TSHR: variants seen among roughly 807,000 people sequenced by gnomAD.
TSHR encodes the protein thyrotropin receptor.
Under a neutral mutation model 64.1 loss-of-function variants are expected in TSHR, and 51 were observed. The ratio of observed to expected loss-of-function variants is 0.80; its 90% confidence interval spans 0.64 to 1.01. TSHR has a LOEUF of 1.01. TSHR is among the 50% of genes least tolerant of loss of function. TSHR has a pLI of 0.00. For missense variants in TSHR, 877 were observed against 942.8 expected (o/e 0.93, Z 0.91); for synonymous variants, 361 against 361.9 (o/e 1.00, Z 0.03).
intron 8 of TSHR, among the ~76,000 whole-genome samples, chr14:81,132,056 G>C (rs1485619429): frequency 1.3e-5 from 2 of 151,972 alleles, no homozygotes; most frequent in Non-Finnish European, 2.9e-5. Flanking sequence ...TCACTGTCTT[G>C]AATTTATACC....
At chr14:81,022,970 T>C (rs1416780596) in intron 1 of TSHR, among the ~76,000 whole-genome samples, 3 of 152,170 alleles carry the variant, frequency 2.0e-5, no homozygotes, top group African/African-American at 7.2e-5. Context: ...AGGACACAGC[T>C]AGAAGGCACC....
At chr14:80,996,659 C>T (rs1889041046) in intron 1 of TSHR, among the ~76,000 whole-genome samples, 1 of 152,092 alleles carries the variant, frequency 6.6e-6, no homozygotes, top group Non-Finnish European at 1.5e-5. Flanking sequence ...GGCACCACTA[C>T]GAATTTATTC....
intron 1 of TSHR, among the ~76,000 whole-genome samples, chr14:80,963,344 G>A (rs148140658): frequency 6.6e-6 from 1 of 152,208 alleles, no homozygotes; most frequent in African/African-American, 2.4e-5. Flanking sequence ...CTGGTTTCCA[G>A]GTTCCATATA....
chr14:81,141,974 G>C (rs1012372716), intron 9 of TSHR, among the ~76,000 whole-genome samples: 1 of 152,092 alleles, frequency 6.6e-6, no homozygotes, highest in Non-Finnish European at 1.5e-5. Flanking sequence ...ATATGAAATA[G>C]TCACTCCCAT....
chr14:81,018,475 T>C (rs1339340054), intron 1 of TSHR, among the ~76,000 whole-genome samples: 2 of 152,126 alleles, frequency 1.3e-5, no homozygotes, highest in African/African-American at 4.8e-5. Context: ...TGAAACACAG[T>C]TTTAGAGTTA....
chr14:80,976,295 T>C (rs1452156730), intron 1 of TSHR, among the ~76,000 whole-genome samples: 2 of 152,168 alleles, frequency 1.3e-5, no homozygotes, highest in Non-Finnish European at 2.9e-5. Flanking sequence ...GGGAACAGGT[T>C]ATCCAGGATT....
intron 1 of TSHR, 46 bp downstream of exon 1, chr14:80,955,896 A>G (rs1886649399): frequency 1.2e-6 from 2 of 1,613,388 alleles, no homozygotes; most frequent in South Asian, 2.2e-5. Flanking sequence ...GATCAAGGGC[A>G]TCTGCAGAGG....
intron 8 of TSHR, among the ~76,000 whole-genome samples, chr14:81,114,627 G>T (rs760388239): frequency 5.4e-4 from 82 of 152,142 alleles, no homozygotes; most frequent in Non-Finnish European, 1.9e-4. Context: ...TTGCACAGGC[G>T]TGCTTAGGTA....
At position 81,001,371 on chromosome 14, in the gene TSHR, C is replaced by T. The variant is rs528864217; in HGVS notation, c.170+45521C>T. The T allele has an allele frequency of 4.5e-5, 16 of 354,188 alleles. No individual in the cohort carries two copies. In the East Asian group the frequency reaches 1.1e-3, roughly 25 times the overall value. The allele number at this position is 354,188 out of a possible 1,614,324, so 21.9% of individuals were successfully genotyped here. A position where few individuals can be genotyped will look rare whatever the true frequency, so the allele number is the denominator to read the frequency against. ...TTCAGTAAGGATCATCTTGATGTGGCAGGGAGAGTACATGCATGGGTTAAT... is the reference window on the plus strand; with the variant it reads ...TTCAGTAAGGATCATCTTGATGTGGTAGGGAGAGTACATGCATGGGTTAAT... On this transcript the variant is annotated intron_variant, in intron 1 of 9. Coordinates refer to ENST00000298171, the MANE Select transcript of TSHR (RefSeq NM_000369.5).
chr14:81,142,195 C>G (rs1454179053), intron 9 of TSHR, among the ~76,000 whole-genome samples: 2 of 152,184 alleles, frequency 1.3e-5, no homozygotes, highest in Admixed American at 1.3e-4. Flanking sequence ...ATTCTCCTGC[C>G]TCAGCCTCCC....
At chr14:80,980,365 T>G (rs1027042963) in intron 1 of TSHR, among the ~76,000 whole-genome samples, 2 of 152,232 alleles carry the variant, frequency 1.3e-5, no homozygotes, top group African/African-American at 4.8e-5. Context: ...CTTAGGTTTC[T>G]CTTTTATTTT....
intron 3 of TSHR, among the ~76,000 whole-genome samples, chr14:81,081,353 A>G (rs1035945347): frequency 3.3e-5 from 5 of 152,112 alleles, no homozygotes; most frequent in African/African-American, 4.8e-5. Flanking sequence ...TTTTACATTT[A>G]CCAGCTTATT....
intron 8 of TSHR, among the ~76,000 whole-genome samples, chr14:81,123,108 C>G (rs528367117): frequency 1.3e-4 from 19 of 147,320 alleles, no homozygotes; most frequent in Admixed American, 7.5e-4. Flanking sequence ...GCCTGGGAGA[C>G]AGAGCAAGAC....
At chr14:80,958,179 G>A (rs570200805) in intron 1 of TSHR, 1 of 152,210 alleles carries the variant, frequency 6.6e-6, no homozygotes, top group East Asian at 1.9e-4. Context: ...TTTACTTACG[G>A]GGGCGGGGGG....
intron 2 of TSHR, among the ~76,000 whole-genome samples, chr14:81,062,718 T>G (rs540224051): frequency 3.9e-5 from 6 of 152,292 alleles, no homozygotes; most frequent in Non-Finnish European, 7.4e-5. Context: ...AAAATTGAAT[T>G]GCTATCCACT....
chr14:81,087,712 T>G, intron 3 of TSHR: 1 of 551,992 alleles, frequency 1.8e-6, no homozygotes, highest in Non-Finnish European at 3.2e-6. Context: ...GCCCATAAAT[T>G]AAAGTGGACA....
At chr14:81,108,503 T>C (rs1226266704) in intron 8 of TSHR, 51 bp downstream of exon 8, 1 of 1,606,646 alleles carries the variant, frequency 6.2e-7, no homozygotes, top group Non-Finnish European at 8.5e-7. Context: ...TCTTTTTTTT[T>C]TTTTGGAATA....
chr14:81,056,271 C>T (rs947339696), intron 1 of TSHR, among the ~76,000 whole-genome samples: 2 of 152,078 alleles, frequency 1.3e-5, no homozygotes, highest in Admixed American at 6.6e-5. Flanking sequence ...TCTTTTTCTT[C>T]GCAGTCTCGG....
At chr14:81,036,483 G>A (rs912681698) in intron 1 of TSHR, among the ~76,000 whole-genome samples, 1 of 152,112 alleles carries the variant, frequency 6.6e-6, no homozygotes, top group African/African-American at 2.4e-5. Context: ...TGTCTACCTA[G>A]AATACTACAC....
Sources: allele counts gnomAD v4.1 joint callset (sites outside exome capture counted in the v4.1 genomes callset), GRCh38; gene constraint gnomAD v4.1.1; transcripts MANE v1.5; gene names NCBI Gene and HGNC (gene_info 2026-07-23, HGNC 2026-07-21).